ACSM2B: variants seen among roughly 807,000 people sequenced by gnomAD.
ACSM2B encodes acyl-coenzyme A synthetase ACSM2B, mitochondrial.
Under a neutral mutation model 78.6 loss-of-function variants are expected in ACSM2B, and 58 were observed. The observed-to-expected ratio is 0.74, with a 90% CI of 0.60 to 0.92. The LOEUF (loss-of-function observed/expected upper bound fraction) is 0.92, where lower values mean the gene tolerates loss of function less well. Ranked by LOEUF, ACSM2B falls within the 40% of genes least tolerant of loss-of-function variation. The probability of loss-of-function intolerance (pLI) is 0.00; values close to 1 mark genes in which losing one functional copy is unlikely to be tolerated. For synonymous variants in ACSM2B, 257 were observed against 256.8 expected, an observed-to-expected ratio of 1.00 and a Z score of -0.01; for missense variants, 688 against 711.2, an observed-to-expected ratio of 0.97 and a Z score of 0.37.
chr16:20,554,776 T>G (rs184091056), intron 4 of ACSM2B, among the ~76,000 whole-genome samples: 268 of 152,298 alleles, frequency 1.8e-3, no homozygotes, highest in African/African-American at 6.3e-3. Flanking sequence ...CTGATTTGAG[T>G]CATAGTTCCA....
chr16:20,547,948 T>C (rs2015189344), intron 8 of ACSM2B, 114 bp downstream of exon 8: 2 of 1,552,796 alleles, frequency 1.3e-6, no homozygotes, highest in African/African-American at 1.4e-5. Flanking sequence ...AGAGGCTCAA[T>C]AAATATTTCT....
At chr16:20,549,986 GA>G (rs1386729166) in intron 6 of ACSM2B, 1 of 280,048 alleles carries the variant, frequency 3.6e-6, no homozygotes, top group Non-Finnish European at 7.0e-6. Context: ...TTTTTAGACA[GA>G]ATAGGTTTTA....
chr16:20,542,630 T>C (rs2015026330), intron 12 of ACSM2B: 2 of 406,520 alleles, frequency 4.9e-6, no homozygotes, highest in Non-Finnish European at 8.8e-6. Context: ...GTGGGATTGC[T>C]GGATCATATG....
chr16:20,541,125 C>A, intron 12 of ACSM2B: 1 of 170,598 alleles, frequency 5.9e-6, no homozygotes. Flanking sequence ...TTCAGTGTTC[C>A]CGTCTGCAAA....
chr16:20,547,053 G>A, intron 8 of ACSM2B: 1 of 901,650 alleles, frequency 1.1e-6, no homozygotes, highest in Non-Finnish European at 1.4e-6. Flanking sequence ...ATGAGTGGTG[G>A]ATGCCTCACT....
chr16:20,567,589 T>C (rs2015958542), intron 1 of ACSM2B, among the ~76,000 whole-genome samples: 2 of 133,946 alleles, frequency 1.5e-5, no homozygotes, highest in South Asian at 2.1e-4. Context: ...ATATAAATAA[T>C]AATATAAGAT....
In ACSM2B at chr16:20,546,682, C is replaced by T. The variant is rs923563251; in HGVS notation, c.1099-208G>A. ...ACTAAATTGTTTGTTCAGGAAGCAA[C>T]CCATCTACCACTCCCCAGGAAGAGG... On this transcript the variant is annotated intron_variant, in intron 8 of 13. Transcript: ENST00000329697. 19 of 835,778 alleles carry T rather than the reference C, an allele frequency of 2.3e-5. No homozygotes were observed. In the Admixed American group the frequency reaches 2.5e-4, roughly 11 times the overall value. The allele number at this position is 835,778 out of a possible 1,614,324, so 51.8% of individuals were successfully genotyped here.
chr16:20,537,495 A>G lies in ACSM2B; in HGVS notation c.1630-133T>C, dbSNP rs1404748184. 1.2e-5 allele frequency: 11 copies of G among 906,942 alleles called. No individual in the cohort carries two copies. The East Asian group carries it at 2.2e-4, about 18-fold the overall frequency. The allele number at this position is 906,942 out of a possible 1,614,324, so 56.2% of individuals were successfully genotyped here. On this transcript the variant is annotated intron_variant, in intron 13 of 13. Transcript: ENST00000329697. Reference sequence around the variant, plus strand: ...CAGGGTAGCCGCCCTGTGCAATAAGAAGCTTCAGAAGGTGCTCTGGGATGA... The same window carrying G: ...CAGGGTAGCCGCCCTGTGCAATAAGGAGCTTCAGAAGGTGCTCTGGGATGA...
chr16:20,576,000 G>C (rs971796453), intron 1 of ACSM2B, among the ~76,000 whole-genome samples: 1 of 149,604 alleles, frequency 6.7e-6, no homozygotes, highest in Non-Finnish European at 1.5e-5. Context: ...AGCTGCCCTC[G>C]TCTCTCCCTG....
At chr16:20,570,684 T>A (rs978388989) in intron 1 of ACSM2B, among the ~76,000 whole-genome samples, 1 of 151,808 alleles carries the variant, frequency 6.6e-6, no homozygotes, top group African/African-American at 2.4e-5. Context: ...ATTCATCTGG[T>A]CATGGCTTTT....
chr16:20,543,879 A>G (rs993296944), intron 10 of ACSM2B, among the ~76,000 whole-genome samples: 1 of 152,178 alleles, frequency 6.6e-6, no homozygotes, highest in Non-Finnish European at 1.5e-5. Context: ...TGGTGGCATA[A>G]AGAATTCTTA....
chr16:20,542,253 C>T (rs1321618591), intron 12 of ACSM2B: 1 of 149,092 alleles, frequency 6.7e-6, no homozygotes, highest in Non-Finnish European at 1.5e-5. Context: ...CCCCCACTTC[C>T]CCACCCACAC....
chr16:20,557,827 G>A (rs1008633966), intron 3 of ACSM2B, among the ~76,000 whole-genome samples: 1 of 152,116 alleles, frequency 6.6e-6, no homozygotes, highest in Admixed American at 6.5e-5. Context: ...ACTGCCTTTG[G>A]AAAAATTATG....
chr16:20,566,250 TATATATATATATATATA>T (rs2015832140), intron 1 of ACSM2B, among the ~76,000 whole-genome samples: 1 of 42,330 alleles, frequency 2.4e-5, no homozygotes, highest in African/African-American at 7.0e-5. Flanking sequence ...TGGAAGATTA[TATATATATATATATATA>T]TATATATATA....
At chr16:20,552,090 G>A (rs2015327129) in intron 6 of ACSM2B, 54 bp downstream of exon 6, 1 of 1,544,052 alleles carries the variant, frequency 6.5e-7, no homozygotes. Flanking sequence ...AAATTGAAGT[G>A]TGCAAACCTC....
chr16:20,560,487 C>T (rs2015618849), intron 2 of ACSM2B, among the ~76,000 whole-genome samples: 1 of 152,050 alleles, frequency 6.6e-6, no homozygotes, highest in Non-Finnish European at 1.5e-5. Flanking sequence ...TCTTCATCTT[C>T]CAACATTATT....
Position 20,552,281 on chromosome 16 carries a change from C to T in ACSM2B, c.757G>A (p.Ala253Thr). The T allele has an allele frequency of 1.2e-6, 2 of 1,611,082 alleles. No individual in the cohort carries two copies. Among genetic ancestry groups the T allele is most frequent in the Non-Finnish European group, 1.7e-6 (2 of 1,179,040 alleles). Residue 253 changes from alanine to threonine, a missense_variant, in exon 6 of 14, where the codon GCC becomes ACC. By Grantham distance (58) the Ala-to-Thr change is moderately conservative. Transcript: ENST00000329697. The stretch of plus-strand genomic sequence containing the variant: ...GATATGGTCCACATTATATCAGAGG[C>T]TTGCAGGCCTGTCCAACTGAAAACA... ...KMDAGWTGLQASDIMWTISDT... is the reference protein window; with the variant it reads ...KMDAGWTGLQTSDIMWTISDT...
At position 20,566,536 on chromosome 16, in the gene ACSM2B, AC is replaced by A. The variant is rs2015852087; in HGVS notation, c.-8-1684del. ...ATTATATTACAAATATGTTATATAT[AC>A]TATATAACTATATACTATATATAGT... On this transcript the variant is annotated intron_variant, in intron 1 of 13. Transcript: ENST00000329697. 2.8e-5 allele frequency among the ~76,000 whole-genome samples: 3 copies of A among 107,112 alleles called. No individual in the cohort carries two copies. In the East Asian group the frequency reaches 7.2e-4, roughly 26 times the overall value. 70.3% of individuals were successfully genotyped at this position (107,112 alleles called of 152,430 possible).
At chr16:20,564,212 A>G (rs2152144233) in intron 2 of ACSM2B, among the ~76,000 whole-genome samples, 2 of 152,108 alleles carry the variant, frequency 1.3e-5, no homozygotes, top group East Asian at 1.9e-4. Flanking sequence ...TGCCACCTCA[A>G]TCTCCTGAGT....
Sources: gnomAD v4.1 joint callset for allele counts (sites outside exome capture counted in the v4.1 genomes callset) on GRCh38, gnomAD v4.1.1 for gene constraint, MANE v1.5 for transcripts, NCBI Gene and HGNC (gene_info 2026-07-23, HGNC 2026-07-21) for gene names.